Variants in DNAI1 observed in about 807,000 individuals in gnomAD.
DNAI1 encodes the protein dynein axonemal intermediate chain 1.
In DNAI1, 67 loss-of-function variants were observed where a neutral mutation model predicts 92.0. The observed-to-expected ratio is 0.73, with a 90% CI of 0.60 to 0.89. The LOEUF (loss-of-function observed/expected upper bound fraction) is 0.89. Among genes scored for constraint, DNAI1 ranks in the 40% least tolerant of loss-of-function variants. The pLI is 0.00. For missense variants in DNAI1, 839 were observed against 866.6 expected (o/e 0.97, Z 0.40); for synonymous variants, 323 against 319.6 (o/e 1.01, Z -0.11).
Position 34,485,128 on chromosome 9 carries a change from A to C in DNAI1, c.82-14A>C. 6.2e-7 allele frequency: 1 copy of C among 1,613,850 alleles called. No homozygotes were observed. The highest frequency in any genetic ancestry group is 8.5e-7 in the Non-Finnish European group (1 of 1,179,810). On this transcript the variant is annotated splice_polypyrimidine_tract_variant and intron_variant, in intron 2 of 19. Coordinates refer to ENST00000242317, the MANE Select transcript of DNAI1 (RefSeq NM_012144.4). ...AAAAGACACTCCCAAGCCTCATGTG[A>C]GGTTTTTGTCTAGGATGAAGATTCA...
At chr9:34,492,536 T>TATATATATATATATG (rs1824631068) in intron 8 of DNAI1, among the ~76,000 whole-genome samples, 1 of 52,262 alleles carries the variant, frequency 1.9e-5, no homozygotes, top group Non-Finnish European at 4.8e-5. Context: ...ATATATATAT[T>TATATATATATATATG]TGAGACAAGG....
chr9:34,489,118 A>C, intron 4 of DNAI1: 1 of 587,540 alleles, frequency 1.7e-6, no homozygotes, highest in Non-Finnish European at 2.9e-6. Context: ...ATAACTTTAA[A>C]AAAGATTTTA....
At chr9:34,499,859 A>G (rs1176501843) in intron 10 of DNAI1, among the ~76,000 whole-genome samples, 1 of 152,156 alleles carries the variant, frequency 6.6e-6, no homozygotes. Flanking sequence ...AAGGAGAGCC[A>G]TTGAGGGGGT....
At chr9:34,478,240 A>G (rs1200785009) in intron 1 of DNAI1, among the ~76,000 whole-genome samples, 1 of 152,168 alleles carries the variant, frequency 6.6e-6, no homozygotes, top group African/African-American at 2.4e-5. Flanking sequence ...GAGCTTTATC[A>G]TAAGGTGGAA....
At position 34,490,408 on chromosome 9, in the gene DNAI1, A is replaced by G; in HGVS notation, c.541A>G (p.Lys181Glu). ...KVTEEELMTP[K>E]QPKERKLTNQ... The stretch of plus-strand genomic sequence containing the variant: ...GACTGAAGAAGAATTGATGACTCCT[A>G]AGCAGCCCAAGGAGAGAAAGCTCAC... The change falls in exon 7 of 20, where the codon AAG becomes GAG. Residue 181 changes from lysine (K) to glutamate (E), a missense_variant. Physicochemically the swap from Lys to Glu is moderately conservative, Grantham distance 56. Transcript: ENST00000242317. 6.2e-7 allele frequency: 1 copy of G among 1,614,128 alleles called. No individual in the cohort carries two copies. The highest frequency in any genetic ancestry group is 2.2e-5 in the East Asian group (1 of 44,878).
chr9:34,466,733 C>A (rs1824045361), intron 1 of DNAI1, among the ~76,000 whole-genome samples: 1 of 152,200 alleles, frequency 6.6e-6, no homozygotes, highest in African/African-American at 2.4e-5. Flanking sequence ...TAGGGACCAA[C>A]TACTTTCTCC....
At chr9:34,461,621 A>G (rs1480428422) in intron 1 of DNAI1, among the ~76,000 whole-genome samples, 3 of 152,244 alleles carry the variant, frequency 2.0e-5, no homozygotes, top group Non-Finnish European at 4.4e-5. Context: ...GGGAGAGGTG[A>G]CAGCAGACAG....
intron 16 of DNAI1, 43 bp from the exon 17 acceptor site, chr9:34,514,351 T>G (rs1465363692): frequency 2.5e-6 from 4 of 1,608,456 alleles, no homozygotes; most frequent in Non-Finnish European, 3.4e-6. Context: ...TGGTGGCTGC[T>G]GACCTTTCTC....
chr9:34,520,626 T>G (rs1407167286), intron 19 of DNAI1, 32 bp from the exon 20 acceptor site: 1 of 1,543,774 alleles, frequency 6.5e-7, no homozygotes, highest in Admixed American at 2.0e-5. Context: ...GGCCCACCAT[T>G]CCTCCCTCAT....
intron 1 of DNAI1, among the ~76,000 whole-genome samples, chr9:34,463,580 C>T (rs1393544550): frequency 2.0e-5 from 3 of 152,066 alleles, no homozygotes; most frequent in African/African-American, 4.8e-5. Flanking sequence ...AGTAGAAAAC[C>T]GAATTAGAAT....
rs1336856498 is a variant in DNAI1, at chr9:34,479,395, C to G, written c.49-4053C>G. Among the ~76,000 whole-genome samples the G allele has an allele frequency of 2.6e-5, 4 of 152,178 alleles. No individual in the cohort carries two copies. In the South Asian group the frequency reaches 8.3e-4, roughly 31 times the overall value. ...AAGTGGCAGCCTGACATTCTATCTC[C>G]TTTGCCATGGTTGGGAAGTTAGGGC... On this transcript the variant is annotated intron_variant, in intron 1 of 19. Coordinates refer to ENST00000242317, the MANE Select transcript of DNAI1 (RefSeq NM_012144.4).
intron 6 of DNAI1, 101 bp downstream of exon 6, chr9:34,490,225 G>C: frequency 6.2e-7 from 1 of 1,609,772 alleles, no homozygotes; most frequent in South Asian, 1.1e-5. Context: ...CCTAAGGTGA[G>C]AATAGAGGCT....
At chr9:34,488,155 AT>A in intron 4 of DNAI1, 1 of 275,904 alleles carries the variant, frequency 3.6e-6, no homozygotes, top group Non-Finnish European at 7.4e-6. Context: ...TGTTTTTATT[AT>A]TTTTAATACT....
chr9:34,459,447 TTTC>T (rs1823899372), intron 1 of DNAI1, among the ~76,000 whole-genome samples: 1 of 140,728 alleles, frequency 7.1e-6, no homozygotes, highest in African/African-American at 2.6e-5. Flanking sequence ...TCTTTCTTTC[TTTC>T]TTTTTTTTTT....
Position 34,517,368 on chromosome 9 carries a change from C to A in DNAI1, c.1902C>A (p.His634Gln). The A allele has an allele frequency of 6.2e-7, 1 of 1,614,176 alleles. No individual in the cohort carries two copies. The change falls in exon 19 of 20, where the codon CAC (histidine) becomes CAA (glutamine). Residue 634 changes from histidine to glutamine, a missense_variant. Transcript: ENST00000242317. ...PVAAKKNRLT[H>Q]VQFNLIHPII... ...CGGCCAAAAAGAACAGGCTCACCCACGTGCAGTTCAATCTCATCCACCCCA... is the reference window on the plus strand; with the variant it reads ...CGGCCAAAAAGAACAGGCTCACCCAAGTGCAGTTCAATCTCATCCACCCCA...
At chr9:34,505,959 G>A (rs189538254) in intron 12 of DNAI1, among the ~76,000 whole-genome samples, 4 of 152,268 alleles carry the variant, frequency 2.6e-5, no homozygotes, top group Admixed American at 2.6e-4. Context: ...AGAGTGGGAG[G>A]CACTCCCTTG....
intron 16 of DNAI1, among the ~76,000 whole-genome samples, chr9:34,514,001 G>A (rs1825122765): frequency 6.6e-6 from 1 of 152,226 alleles, no homozygotes; most frequent in African/African-American, 2.4e-5. Context: ...TGGGCTGCAG[G>A]TGGAACCAGG....
chr9:34,518,348 G>A (rs1336702522), intron 19 of DNAI1, among the ~76,000 whole-genome samples: 2 of 152,254 alleles, frequency 1.3e-5, no homozygotes, highest in Non-Finnish European at 2.9e-5. Flanking sequence ...TACCAAGGAA[G>A]GGACTGCGGC....
chr9:34,491,564 T>C lies in DNAI1; in HGVS notation c.681+10T>C. The C allele has an allele frequency of 6.2e-7, 1 of 1,614,174 alleles. No homozygotes were observed. The highest frequency in any genetic ancestry group is 1.7e-5 in the Admixed American group (1 of 60,020). On this transcript the variant is annotated intron_variant, in intron 8 of 19. Coordinates refer to ENST00000242317, the MANE Select transcript of DNAI1 (RefSeq NM_012144.4). ...AGCCACAGCCAATCAGGTAAGACCC[T>C]GGGCCAGCCTGAAACCTCTTACCAC...
Sources: gnomAD v4.1 joint callset for allele counts (sites outside exome capture counted in the v4.1 genomes callset) on GRCh38, gnomAD v4.1.1 for gene constraint, MANE v1.5 for transcripts, NCBI Gene and HGNC (gene_info 2026-07-23, HGNC 2026-07-21) for gene names.